The following CPSF1 variants were observed in gnomAD, a reference collection of about 807,000 sequenced individuals.
The protein encoded by CPSF1 is cleavage and polyadenylation specificity factor subunit 1.
A neutral mutation model predicts 175.8 loss-of-function variants in CPSF1; 106 were observed. The ratio of observed to expected loss-of-function variants is 0.60; its 90% CI spans 0.52 to 0.71. The LOEUF is 0.71. Among genes scored for constraint, CPSF1 ranks in the 30% least tolerant of loss-of-function variants. CPSF1 has a pLI of 0.00. For missense variants in CPSF1, 1,734 were observed against 2,022.9 expected (o/e 0.86, Z 2.74); for synonymous variants, 1,024 against 858.3 (o/e 1.19, Z -3.37).
chr8:144,400,135 G>GGGGCGCCCCCCCCCCCCCCCCC, intron 9 of CPSF1, 31 bp downstream of exon 9: 2 of 896,012 alleles, frequency 2.2e-6, no homozygotes, highest in Non-Finnish European at 1.6e-6. Context: ...CCGTCCCCGG[G>GGGGCGCCCCCCCCCCCCCCCCC]CCCCCCCCGC....
In CPSF1 at chr8:144,398,041, C is replaced by G; in HGVS notation, c.1986G>C (p.Glu662Asp). ...TCAGCAGGAACATGGTGACGTGGCCCTCGGCACTCATGATGACCACATAGG... is the reference window on the plus strand; with the variant it reads ...TCAGCAGGAACATGGTGACGTGGCCGTCGGCACTCATGATGACCACATAGG... The part of the protein sequence containing the change: ...ADPYVVIMSA[E>D]GHVTMFLLKS... Residue 662 changes from glutamate to aspartate, a missense_variant, in exon 20 of 38, where the codon GAG (glutamate) becomes GAC (aspartate). Transcript: ENST00000616140. 1 of 1,612,466 alleles carries G rather than the reference C, an allele frequency of 6.2e-7. No individual in the cohort carries two copies.
At position 144,396,728 on chromosome 8, in the gene CPSF1, A is replaced by G; in HGVS notation, c.2696T>C (p.Ile899Thr). Residue 899 changes from isoleucine (I) to threonine (T), a missense_variant, in exon 25 of 38, where the codon ATC (isoleucine) becomes ACC (threonine). Physicochemically the swap from Ile to Thr is moderately conservative, Grantham distance 89. Coordinates refer to ENST00000616140, the MANE Select transcript of CPSF1 (RefSeq NM_013291.3). The part of the protein sequence containing the change: ...KVRFKKVPHN[I>T]NFREKKPKPS... ...CTTTGGCTTCTTCTCACGGAAGTTGATGTTGTGAGGGACCTGGGGGGGAAC... is the reference window on the plus strand; with the variant it reads ...CTTTGGCTTCTTCTCACGGAAGTTGGTGTTGTGAGGGACCTGGGGGGGAAC... 1.2e-6 allele frequency: 2 copies of G among 1,613,730 alleles called. No homozygotes were observed. The highest frequency in any genetic ancestry group is 8.5e-7 in the Non-Finnish European group (1 of 1,179,942).
chr8:144,401,740 A>G (rs1821221720), intron 2 of CPSF1, 67 bp from the exon 3 acceptor site: 1 of 1,509,156 alleles, frequency 6.6e-7, no homozygotes, highest in African/African-American at 1.4e-5. Flanking sequence ...CCGGGGAACG[A>G]GAAAAGACCA....
Position 144,400,102 on chromosome 8 carries a change from CA to C in CPSF1, c.938-18del. The C allele has an allele frequency of 6.3e-7, 1 of 1,591,560 alleles. No individual in the cohort carries two copies. Among genetic ancestry groups the C allele is most frequent in the Non-Finnish European group, 8.5e-7 (1 of 1,170,620 alleles). On this transcript the variant is annotated intron_variant, in intron 9 of 37. Transcript: ENST00000616140. ...CCTGGGTGCCTGTGGGGTGGGTGGT[CA>C]GGCCGACTAGGCAGGCCCAAGCCGT...
Position 144,401,517 on chromosome 8 carries a change from G to A in CPSF1, c.219C>T (p.Ser73=), listed in dbSNP as rs1554867178. 1.2e-6 allele frequency: 2 copies of A among 1,613,914 alleles called. No homozygotes were observed. The highest frequency in any genetic ancestry group is 2.2e-5 in the East Asian group (1 of 44,898). Residue 73 remains serine, a synonymous_variant, in exon 4 of 38, where the codon TCC becomes TCT. Transcript: ENST00000616140. ...REKLELAASF[S]FFGNVMSMAS... The stretch of plus-strand genomic sequence containing the variant: ...CCATGGACATGACGTTGCCAAAGAA[G>A]GAGAAGGAGGCAGCAAGCTCGAGCT...
rs2116860831 is a variant in CPSF1, at chr8:144,399,250, C to G, written c.1392+26G>C. 12 of 1,611,340 alleles carry G rather than the reference C, an allele frequency of 7.4e-6. No homozygotes were observed. The highest frequency in any genetic ancestry group is 1.0e-5 in the Non-Finnish European group (12 of 1,179,418). ...GGCCCGCTGGGGGCGCTGGCTGGGA[C>G]GGGGGCCCTGCTGCCTCAATCTCAC... On this transcript the variant is annotated intron_variant, in intron 14 of 37. Coordinates refer to ENST00000616140, the MANE Select transcript of CPSF1 (RefSeq NM_013291.3). The surrounding 1 kb of genome is among the most constrained non-coding windows in gnomAD (Gnocchi z 6.4).
chr8:144,398,873 A>C lies in CPSF1; in HGVS notation c.1549-5T>G. 1.2e-6 allele frequency: 2 copies of C among 1,610,746 alleles called. No homozygotes were observed. Among genetic ancestry groups the C allele is most frequent in the South Asian group, 1.1e-5 (1 of 90,900 alleles). ...CACCTGGGGCCGGATGCTCTTCTAG[A>C]ATGATGATGGGGTGGGGGTGTGATG... On this transcript the variant is annotated splice_region_variant and splice_polypyrimidine_tract_variant and intron_variant, in intron 16 of 37. Coordinates refer to ENST00000616140, the MANE Select transcript of CPSF1 (RefSeq NM_013291.3).
Position 144,400,196 on chromosome 8 carries a change from G to T in CPSF1, c.907C>A (p.Leu303Ile). 6.3e-7 allele frequency: 1 copy of T among 1,585,208 alleles called. No individual in the cohort carries two copies. The highest frequency in any genetic ancestry group is 8.6e-7 in the Non-Finnish European group (1 of 1,165,250). ...GGGAAAGCCGTGGTTCCTGTGGTGA[G>T]GCTGTTGAGAGCCACGCCATACGGG... ...VPPYGVALNSLTTGTTAFPLR... is the reference protein window; with the variant it reads ...VPPYGVALNSITTGTTAFPLR... Residue 303 changes from leucine (L) to isoleucine (I), a missense_variant, in exon 9 of 38, where the codon CTC becomes ATC. Transcript: ENST00000616140.
chr8:144,400,135 G>GGGGCGCCCCCCCCCCCCCCCC, intron 9 of CPSF1, 31 bp downstream of exon 9: 2 of 896,012 alleles, frequency 2.2e-6, no homozygotes, highest in African/African-American at 2.3e-5. Context: ...CCGTCCCCGG[G>GGGGCGCCCCCCCCCCCCCCCC]CCCCCCCCGC....
chr8:144,406,440 G>C (rs1327601080), intron 2 of CPSF1, among the ~76,000 whole-genome samples: 7 of 152,178 alleles, frequency 4.6e-5, no homozygotes, highest in African/African-American at 1.7e-4. Context: ...GCCCTGTCCA[G>C]CTTTCCCCCT....
chr8:144,400,060 G>T lies in CPSF1; in HGVS notation c.963C>A (p.Thr321=). Residue 321 remains threonine (T), a synonymous_variant, in exon 10 of 38, where the codon ACC becomes ACA. Transcript: ENST00000616140. ...PLRTQEGVRI[T]LDCAQATFIS... ...TGAAGGTGGCCTGGGCGCAGTCCAGGGTGATCCGCACACCCTCCTGGGTGC... is the reference window on the plus strand; with the variant it reads ...TGAAGGTGGCCTGGGCGCAGTCCAGTGTGATCCGCACACCCTCCTGGGTGC... 1 of 1,611,724 alleles carries T rather than the reference G, an allele frequency of 6.2e-7. No homozygotes were observed. Among genetic ancestry groups the T allele is most frequent in the Non-Finnish European group, 8.5e-7 (1 of 1,179,830 alleles).
rs1333256631 is a variant in CPSF1, at chr8:144,393,796, G to A, written c.4016C>T (p.Ala1339Val). The A allele has an allele frequency of 5.0e-6, 8 of 1,599,378 alleles. No homozygotes were observed. The highest frequency in any genetic ancestry group is 5.9e-6 in the Non-Finnish European group (7 of 1,178,322). ...VWENKHITWFATLDGGIGLLL... is the reference protein window; with the variant it reads ...VWENKHITWFVTLDGGIGLLL... ...CAGCCCGATGCCGCCGTCCAGGGTGGCTGGCAGGGGTAGGGTGAGGGTTTT... is the reference window on the plus strand; with the variant it reads ...CAGCCCGATGCCGCCGTCCAGGGTGACTGGCAGGGGTAGGGTGAGGGTTTT... Residue 1339 changes from alanine to valine, a missense_variant and splice_region_variant, in exon 36 of 38, where the codon GCC (alanine) becomes GTC (valine). This residue lies in a region of CPSF1 where 323 missense variants were observed against 338.5 expected (regional missense o/e 0.95). Transcript: ENST00000616140.
chr8:144,397,623 TCC>T lies in CPSF1; in HGVS notation c.2247_2248del (p.Asp750PhefsTer21). 1 of 1,533,818 alleles carries T rather than the reference TCC, an allele frequency of 6.5e-7. No individual in the cohort carries two copies. The highest frequency in any genetic ancestry group is 8.8e-7 in the Non-Finnish European group (1 of 1,136,760). On this transcript the variant is annotated frameshift_variant, in exon 22 of 38. Coordinates refer to ENST00000616140, the MANE Select transcript of CPSF1 (RefSeq NM_013291.3). LOFTEE classifies it high-confidence loss of function. ...GCTGGGGCTGAAGAGGGAGCCCGAA[TCC>T]CCATACAGCATCTCCTCCTCGTCAT...
chr8:144,408,448 C>A (rs1821617325), intron 2 of CPSF1, among the ~76,000 whole-genome samples: 1 of 152,208 alleles, frequency 6.6e-6, no homozygotes, highest in Non-Finnish European at 1.5e-5. Context: ...ACCCTTGAGG[C>A]GTGTGCCCCA....
chr8:144,397,020 C>T (rs548377279), intron 23 of CPSF1, 91 bp from the exon 24 acceptor site: 83 of 714,470 alleles, frequency 1.2e-4, no homozygotes, highest in Middle Eastern at 8.3e-4. Flanking sequence ...GGGTAAGGGG[C>T]GGGGCTGAGA....
In CPSF1 at chr8:144,395,186, T is replaced by G; in HGVS notation, c.3188-4A>C. 6.2e-7 allele frequency: 1 copy of G among 1,612,788 alleles called. No individual in the cohort carries two copies. ...TGGGGGTGGATGTACCGCTCATCTG[T>G]GGGGACCAAGGGTGACAGTCAGAGT... On this transcript the variant is annotated splice_polypyrimidine_tract_variant and splice_region_variant and intron_variant, in intron 28 of 37. Transcript: ENST00000616140.
chr8:144,400,878 G>C, intron 6 of CPSF1, 46 bp downstream of exon 6: 1 of 1,605,622 alleles, frequency 6.2e-7, no homozygotes, highest in Non-Finnish European at 8.5e-7. Flanking sequence ...CTCGGGCTCT[G>C]GCGCCTCCCA....
At chr8:144,406,278 C>T (rs968762861) in intron 2 of CPSF1, among the ~76,000 whole-genome samples, 2 of 152,218 alleles carry the variant, frequency 1.3e-5, no homozygotes, top group Non-Finnish European at 2.9e-5. Context: ...TACTGACTCT[C>T]CTCCCCTGCT....
At position 144,398,886 on chromosome 8, in the gene CPSF1, T is replaced by A. The variant is rs1191038989; in HGVS notation, c.1549-18A>T. 21 of 1,608,434 alleles carry A rather than the reference T, an allele frequency of 1.3e-5. No homozygotes were observed. The highest frequency in any genetic ancestry group is 1.8e-5 in the Non-Finnish European group (21 of 1,176,470). Reference sequence around the variant, plus strand: ...ATGCTCTTCTAGAATGATGATGGGGTGGGGGTGTGATGGGGGTGTGAGCCC... The same window carrying A: ...ATGCTCTTCTAGAATGATGATGGGGAGGGGGTGTGATGGGGGTGTGAGCCC... On this transcript the variant is annotated intron_variant, in intron 16 of 37. Coordinates refer to ENST00000616140, the MANE Select transcript of CPSF1 (RefSeq NM_013291.3).
Sources: allele counts gnomAD v4.1 joint callset (sites outside exome capture counted in the v4.1 genomes callset), GRCh38; gene constraint gnomAD v4.1.1; regional missense constraint gnomAD v4.1.1; non-coding constraint Gnocchi (gnomAD v3.1); transcripts MANE v1.5; gene names NCBI Gene and HGNC (gene_info 2026-07-23, HGNC 2026-07-21).